Variants in CCDC7 observed in about 807,000 individuals in gnomAD.
The protein encoded by CCDC7 is coiled-coil domain containing 7.
Under a neutral mutation model 196.9 loss-of-function variants are expected in CCDC7, and 183 were observed. The ratio of observed to expected loss-of-function variants is 0.93; its 90% confidence interval spans 0.82 to 1.05. CCDC7 has a LOEUF of 1.05. Ranked by LOEUF, CCDC7 falls within the 50% of genes least tolerant of loss-of-function variation. The probability of loss-of-function intolerance (pLI) is 0.00; values close to 1 mark genes in which losing one functional copy is unlikely to be tolerated. For missense variants in CCDC7, 1,540 were observed against 1,482.2 expected (o/e 1.04, Z -0.64); for synonymous variants, 525 against 484.6 (o/e 1.08, Z -1.10).
intron 8 of CCDC7, among the ~76,000 whole-genome samples, chr10:32,484,351 C>A (rs1589047206): frequency 6.6e-6 from 1 of 152,096 alleles, no homozygotes; most frequent in Admixed American, 6.5e-5. Flanking sequence ...GATTTTGTAT[C>A]CTGAGACTTT....
intron 14 of CCDC7, among the ~76,000 whole-genome samples, chr10:32,567,074 T>C (rs2056933816): frequency 6.9e-6 from 1 of 145,906 alleles, no homozygotes; most frequent in African/African-American, 2.5e-5. Flanking sequence ...TAATATATAA[T>C]ATATATTATA....
At chr10:32,450,083 G>T (rs1450589754), upstream of CCDC7, among the ~76,000 whole-genome samples, 1 of 152,198 alleles carries the variant, frequency 6.6e-6, no homozygotes, top group Non-Finnish European at 1.5e-5. Context: ...CCACAAAGTG[G>T]GTGGCTTAGA....
chr10:32,619,574 G>A (rs569720506), intron 18 of CCDC7, among the ~76,000 whole-genome samples: 2 of 152,128 alleles, frequency 1.3e-5, no homozygotes, highest in South Asian at 2.1e-4. Flanking sequence ...GGAGTAATTA[G>A]CCCTACCAGA....
At chr10:32,575,348 A>G (rs1030849144) in intron 16 of CCDC7, among the ~76,000 whole-genome samples, 2 of 152,202 alleles carry the variant, frequency 1.3e-5, no homozygotes, top group Non-Finnish European at 2.9e-5. Context: ...CAAGGGGCAT[A>G]TTACTAGTGA....
At chr10:32,880,394 G>C (rs2094747189), downstream of CCDC7, among the ~76,000 whole-genome samples, 1 of 151,740 alleles carries the variant, frequency 6.6e-6, no homozygotes, top group Non-Finnish European at 1.5e-5. Flanking sequence ...CTTTTTAATG[G>C]GGTTTTTTCT....
chr10:32,519,429 GT>G (rs1480263573), intron 11 of CCDC7, among the ~76,000 whole-genome samples: 4 of 152,060 alleles, frequency 2.6e-5, no homozygotes, highest in Non-Finnish European at 5.9e-5. Flanking sequence ...TTCTTCAGGT[GT>G]TTTGTCTCTA....
At position 32,533,254 on chromosome 10, in the gene CCDC7, C is replaced by CAA. The variant is rs1564571963; in HGVS notation, c.994-10045_994-10044insAA. ...AGAATAGAAACAAAGGAAACACACA[C>CAA]ACACACACACACACACACACACACA... is the stretch of plus-strand genomic sequence containing the variant. On this transcript the variant is annotated intron_variant, in intron 11 of 41. Coordinates refer to ENST00000639629, the Ensembl canonical transcript of CCDC7. Among the ~76,000 whole-genome samples the CAA allele has an allele frequency of 9.3e-5, 14 of 151,146 alleles. No individual in the cohort carries two copies. The East Asian group carries it at 2.7e-3, about 29-fold the overall frequency.
At chr10:32,562,999 T>C (rs1269588717) in intron 13 of CCDC7, among the ~76,000 whole-genome samples, 5 of 152,146 alleles carry the variant, frequency 3.3e-5, no homozygotes, top group Non-Finnish European at 7.4e-5. Context: ...GGCATTCTTA[T>C]ACACCAATGA....
chr10:32,605,679 T>C (rs1195831947), intron 18 of CCDC7, among the ~76,000 whole-genome samples: 1 of 152,232 alleles, frequency 6.6e-6, no homozygotes, highest in East Asian at 1.9e-4. Flanking sequence ...TTAGGGTATC[T>C]GGCAGAAGAA....
Position 32,515,708 on chromosome 10 carries a change from TA to T in CCDC7, c.873-2235del, listed in dbSNP as rs565017585. 2.1e-4 allele frequency among the ~76,000 whole-genome samples: 32 copies of T among 149,372 alleles called. 1 individual carries two copies. In the South Asian group the frequency reaches 6.7e-3, roughly 31 times the overall value. ...ACAGGCGCCTGCCACCACACCCGGC[TA>T]ATTTTTTTTTTTTGTAGAGGCGGGG... On this transcript the variant is annotated intron_variant, in intron 9 of 41. Coordinates refer to ENST00000639629, the Ensembl canonical transcript of CCDC7.
At chr10:32,514,217 A>G (rs1012133480) in intron 9 of CCDC7, 3 of 152,166 alleles carry the variant, frequency 2.0e-5, no homozygotes, top group Non-Finnish European at 4.4e-5. Flanking sequence ...CCCTCAAAAG[A>G]TATGTTGAAG....
At chr10:32,741,786 T>C (rs2085898796) in intron 28 of CCDC7, among the ~76,000 whole-genome samples, 1 of 152,298 alleles carries the variant, frequency 6.6e-6, no homozygotes, top group South Asian at 2.1e-4. Flanking sequence ...TCTCCCATTG[T>C]GAGTGTGAAT....
At chr10:32,705,819 A>G (rs942243911) in intron 24 of CCDC7, among the ~76,000 whole-genome samples, 3 of 152,082 alleles carry the variant, frequency 2.0e-5, no homozygotes, top group Admixed American at 2.0e-4. Flanking sequence ...ATTCATAAAG[A>G]AAGCCCTTAG....
intron 39 of CCDC7, among the ~76,000 whole-genome samples, chr10:32,850,793 ACAC>A (rs1565708968): frequency 5.0e-5 from 3 of 59,498 alleles, no homozygotes; most frequent in Non-Finnish European, 1.1e-4. Flanking sequence ...ACACACACAC[ACAC>A]ACACACACAC....
At chr10:32,780,437 A>G (rs562840975) in intron 29 of CCDC7, among the ~76,000 whole-genome samples, 2 of 152,308 alleles carry the variant, frequency 1.3e-5, no homozygotes, top group South Asian at 4.1e-4. Context: ...ATAATTACAA[A>G]TTTATGTTAT....
At chr10:32,512,773 T>C (rs760746406) in intron 9 of CCDC7, 10 of 151,434 alleles carry the variant, frequency 6.6e-5, no homozygotes, top group Non-Finnish European at 1.3e-4. Flanking sequence ...ATAAGAAAAA[T>C]AGGCAAAGTA....
chr10:32,592,543 C>T (rs2059877177), intron 18 of CCDC7, among the ~76,000 whole-genome samples: 1 of 147,960 alleles, frequency 6.8e-6, no homozygotes, highest in Admixed American at 7.1e-5. Context: ...TTTCATTTAT[C>T]TCAAGATATA....
chr10:32,592,039 T>A (rs958198902), intron 18 of CCDC7, among the ~76,000 whole-genome samples: 1 of 152,236 alleles, frequency 6.6e-6, no homozygotes, highest in African/African-American at 2.4e-5. Flanking sequence ...GCCATCTTGC[T>A]CCACTTCCTC....
At chr10:32,867,878 T>A (rs954992007) in intron 41 of CCDC7, among the ~76,000 whole-genome samples, 2 of 151,878 alleles carry the variant, frequency 1.3e-5, no homozygotes, top group East Asian at 1.9e-4. Flanking sequence ...AGAACGTTTT[T>A]TATCTTGCAA....
Sources: allele counts gnomAD v4.1 joint callset (sites outside exome capture counted in the v4.1 genomes callset), GRCh38; gene constraint gnomAD v4.1.1; transcripts MANE v1.5; gene names NCBI Gene and HGNC (gene_info 2026-07-23, HGNC 2026-07-21).